SEMA3A: variants seen among roughly 807,000 people sequenced by gnomAD.
SEMA3A encodes semaphorin-3A.
Under a neutral mutation model 97.9 loss-of-function variants are expected in SEMA3A, and 29 were observed. The observed-to-expected ratio is 0.30, with a 90% CI of 0.22 to 0.40. SEMA3A has a LOEUF of 0.40. Ranked by LOEUF, SEMA3A falls within the 10% of genes least tolerant of loss-of-function variation. SEMA3A has a pLI of 1.00. For missense variants in SEMA3A, 763 were observed against 951.3 expected (o/e 0.80, Z 2.60); for synonymous variants, 321 against 323.7 (o/e 0.99, Z 0.09).
rs1193385152 is a variant in SEMA3A, at chr7:84,403,582, C to T, written c.-245-31682G>A. Among the ~76,000 whole-genome samples the T allele has an allele frequency of 5.3e-5, 8 of 152,282 alleles. 1 individual carries two copies. Among genetic ancestry groups the T allele is most frequent in the South Asian group, 4.1e-4 (2 of 4,828 alleles). ...CAGCACGCAGCTTGAGATCTGAGAA[C>T]GGGCAGACTGCCTCCTCAAGTGGGT... On this transcript the variant is annotated intron_variant, in intron 1 of 3. Coordinates refer to the SEMA3A transcript ENST00000424555.
chr7:84,131,296 T>G (rs1440816227), intron 2 of SEMA3A, among the ~76,000 whole-genome samples: 1 of 152,122 alleles, frequency 6.6e-6, no homozygotes, highest in Non-Finnish European at 1.5e-5. Flanking sequence ...TTGGATGGAT[T>G]TGTTTAACTG....
intron 7 of SEMA3A, among the ~76,000 whole-genome samples, chr7:84,012,950 T>C (rs913215440): frequency 3.9e-5 from 6 of 152,142 alleles, no homozygotes; most frequent in Non-Finnish European, 8.8e-5. Context: ...ATGTATTTTG[T>C]GGAGAAAAAA....
chr7:84,227,798 T>G (rs1799023693), intron 3 of SEMA3A, among the ~76,000 whole-genome samples: 2 of 152,074 alleles, frequency 1.3e-5, no homozygotes, highest in South Asian at 4.1e-4. Flanking sequence ...AAACTAACCC[T>G]TCTTTGCCAG....
chr7:84,021,502 G>GA (rs1487265459), intron 6 of SEMA3A, among the ~76,000 whole-genome samples: 4 of 152,096 alleles, frequency 2.6e-5, no homozygotes, highest in Non-Finnish European at 5.9e-5. Context: ...CATTCACTCT[G>GA]TTTTTTCCCT....
chr7:84,252,784 C>A (rs35929449), intron 3 of SEMA3A, among the ~76,000 whole-genome samples: 1 of 152,030 alleles, frequency 6.6e-6, no homozygotes, highest in African/African-American at 2.4e-5. Flanking sequence ...TTTTAAAATG[C>A]GAAGTGTAAT....
chr7:84,237,391 T>C (rs913129983), intron 3 of SEMA3A, among the ~76,000 whole-genome samples: 2 of 151,886 alleles, frequency 1.3e-5, no homozygotes, highest in African/African-American at 4.8e-5. Flanking sequence ...TAATACAACA[T>C]ACAAGACATA....
intron 3 of SEMA3A, among the ~76,000 whole-genome samples, chr7:84,297,542 T>C (rs990458477): frequency 2.6e-5 from 4 of 152,142 alleles, no homozygotes; most frequent in Admixed American, 2.6e-4. Flanking sequence ...TAGATGAAAA[T>C]AAATTGTTCC....
chr7:84,294,629 G>T (rs1227052894), intron 3 of SEMA3A, among the ~76,000 whole-genome samples: 2 of 151,892 alleles, frequency 1.3e-5, no homozygotes, highest in Admixed American at 6.6e-5. Flanking sequence ...GGCATATTTT[G>T]ATTGTAGGAC....
intron 1 of SEMA3A, among the ~76,000 whole-genome samples, chr7:84,488,642 A>G (rs1806645017): frequency 6.6e-6 from 1 of 152,156 alleles, no homozygotes; most frequent in Non-Finnish European, 1.5e-5. Flanking sequence ...ACAGGTGTGG[A>G]CATGTGAAAT....
upstream of SEMA3A, among the ~76,000 whole-genome samples, chr7:84,199,861 T>C (rs1420753383): frequency 1.3e-5 from 2 of 152,180 alleles, no homozygotes; most frequent in Non-Finnish European, 1.5e-5. Flanking sequence ...TAGGAACTAC[T>C]GTAGTTGTTG....
chr7:84,323,548 A>T (rs973712278), intron 2 of SEMA3A, among the ~76,000 whole-genome samples: 1 of 152,150 alleles, frequency 6.6e-6, no homozygotes, highest in South Asian at 2.1e-4. Context: ...ATGTACAAAG[A>T]GTGAAAACGA....
intron 1 of SEMA3A, among the ~76,000 whole-genome samples, chr7:84,455,910 A>C (rs1805673876): frequency 6.6e-6 from 1 of 151,962 alleles, no homozygotes. Flanking sequence ...CCTACTTGGC[A>C]ATAGGCAATA....
chr7:84,230,369 C>G (rs1250746828), intron 3 of SEMA3A, among the ~76,000 whole-genome samples: 2 of 152,006 alleles, frequency 1.3e-5, no homozygotes, highest in Admixed American at 6.6e-5. Flanking sequence ...TTGCCTATAA[C>G]TCTCTTTCAA....
In SEMA3A at chr7:84,028,336, G is replaced by C. The variant is rs189935524; in HGVS notation, c.668-13985C>G. ...GAACTTAGGTGAATATGAGGACTAA[G>C]GCAAAACTAAGAAAATACAATATGT... On this transcript the variant is annotated intron_variant, in intron 6 of 16. Transcript: ENST00000265362. Among the ~76,000 whole-genome samples, 511 of 152,076 alleles carry C rather than the reference G, an allele frequency of 3.4e-3. 3 individuals carry two copies. Among genetic ancestry groups the C allele is most frequent in the African/African-American group, 0.012 (498 of 41,488 alleles).
intron 3 of SEMA3A, among the ~76,000 whole-genome samples, chr7:84,210,592 A>T (rs886329926): frequency 6.6e-6 from 1 of 152,228 alleles, no homozygotes; most frequent in Non-Finnish European, 1.5e-5. Context: ...GACGAAAGCC[A>T]TGAAAGGATT....
chr7:84,129,526 GTAGAAACTGGCA>G (rs1795900741), intron 2 of SEMA3A, among the ~76,000 whole-genome samples: 2 of 152,124 alleles, frequency 1.3e-5, no homozygotes, highest in African/African-American at 4.8e-5. Context: ...GTGAAGAGAA[GTAGAAACTGGCA>G]TAGAATATGG....
At chr7:84,421,707 TAG>T (rs1189570772) in intron 1 of SEMA3A, among the ~76,000 whole-genome samples, 3 of 152,224 alleles carry the variant, frequency 2.0e-5, no homozygotes, top group South Asian at 2.1e-4. Flanking sequence ...ACCTAGTTTA[TAG>T]AGAGTTTTTA....
At chr7:84,233,334 G>T (rs1478878554) in intron 3 of SEMA3A, among the ~76,000 whole-genome samples, 1 of 151,760 alleles carries the variant, frequency 6.6e-6, no homozygotes, top group Non-Finnish European at 1.5e-5. Context: ...GCGTGATTTG[G>T]CTACTTATAT....
At chr7:84,487,820 T>A (rs1245742873) in intron 1 of SEMA3A, among the ~76,000 whole-genome samples, 1 of 152,106 alleles carries the variant, frequency 6.6e-6, no homozygotes, top group East Asian at 1.9e-4. Context: ...ACAAGAATAG[T>A]CTATGACTTT....
Sources: gnomAD v4.1 joint callset for allele counts (sites outside exome capture counted in the v4.1 genomes callset) on GRCh38, gnomAD v4.1.1 for gene constraint, MANE v1.5 for transcripts, NCBI Gene and HGNC (gene_info 2026-07-23, HGNC 2026-07-21) for gene names.